The following FAM53B variants were observed in gnomAD, a reference collection of about 807,000 sequenced individuals.
FAM53B encodes the protein protein FAM53B.
In FAM53B, 12 loss-of-function variants were observed where a neutral mutation model predicts 32.7. That is an observed-to-expected ratio of 0.37 (90% CI 0.24 to 0.59). The LOEUF (loss-of-function observed/expected upper bound fraction) is 0.59, where lower values mean the gene tolerates loss of function less well. FAM53B is among the 20% of genes least tolerant of loss of function. The pLI is 0.72. For missense variants in FAM53B, 477 were observed against 577.7 expected, an observed-to-expected ratio of 0.83 and a Z score of 1.79; for synonymous variants, 234 against 228.7, an observed-to-expected ratio of 1.02 and a Z score of -0.21.
At position 124,619,298 on chromosome 10, in the gene FAM53B, A is replaced by G. The variant is rs1949287327; in HGVS notation, c.*3944T>C. 1 of 152,844 alleles carries G rather than the reference A, an allele frequency of 6.5e-6. No individual in the cohort carries two copies. The highest frequency in any genetic ancestry group is 1.5e-5 in the Non-Finnish European group (1 of 68,214). The allele number at this position is 152,844 out of a possible 1,614,324, so 9.5% of individuals were successfully genotyped here. A position where few individuals can be genotyped will look rare whatever the true frequency, so the allele number is the denominator to read the frequency against. The stretch of plus-strand genomic sequence containing the variant: ...CACAGCTGGCACCAGGCACTTGGGT[A>G]TTGAACCAGGAAGCTTTATTTACAC... On this transcript the variant is annotated 3_prime_UTR_variant, in exon 5 of 5. Transcript: ENST00000337318.
intron 4 of FAM53B, among the ~76,000 whole-genome samples, chr10:124,648,892 G>A (rs887075958): frequency 6.6e-6 from 1 of 152,276 alleles, no homozygotes; most frequent in Admixed American, 6.5e-5. Context: ...CGTCACTGGA[G>A]AGACTGGTGG....
chr10:124,655,747 C>A (rs1032087056), intron 4 of FAM53B, among the ~76,000 whole-genome samples: 2 of 152,220 alleles, frequency 1.3e-5, no homozygotes, highest in Non-Finnish European at 2.9e-5. Flanking sequence ...GTCTCTCATT[C>A]CACGCAGAAG....
rs77377316 is a variant in FAM53B at position 124,635,575 on chromosome 10, C to T, written c.907-11971G>A. On this transcript the variant is annotated intron_variant, in intron 4 of 4. Coordinates refer to ENST00000337318, the MANE Select transcript of FAM53B (RefSeq NM_014661.4). ...CTCTACTGAGAGGTGGGGTGGGAAA[C>T]AAACCACCCTGAACGTGGCCCTCTG... 7.7e-3 allele frequency among the ~76,000 whole-genome samples: 1,177 copies of T among 152,268 alleles called. 14 individuals carry two copies. Among genetic ancestry groups the T allele is most frequent in the African/African-American group, 0.027 (1,102 of 41,532 alleles).
At chr10:124,683,132 T>C (rs1033955293) in intron 3 of FAM53B, among the ~76,000 whole-genome samples, 2 of 152,228 alleles carry the variant, frequency 1.3e-5, no homozygotes, top group African/African-American at 2.4e-5. Context: ...AACTTATGTA[T>C]TCAGGTCTTT....
Position 124,706,677 on chromosome 10 carries a change from C to T in FAM53B, c.37G>A (p.Gly13Arg). The change falls in exon 2 of 5, where the codon GGA (glycine) becomes AGA (arginine). Residue 13 changes from glycine (G) to arginine (R), a missense_variant. Around this residue, in one of 2 missense-constraint regions of FAM53B, gnomAD observed 312 missense variants for 420.2 expected, o/e 0.74. Coordinates refer to ENST00000337318, the MANE Select transcript of FAM53B (RefSeq NM_014661.4). Reference sequence around the variant, plus strand: ...GTCCCACATGCAATGGAGTCAGCTCCCCGGGTGCTGAGGCTTTCACTTAGG... The same window carrying T: ...GTCCCACATGCAATGGAGTCAGCTCTCCGGGTGCTGAGGCTTTCACTTAGG... ...MVLSESLSTR[G>R]ADSIACGTFS... is the part of the protein sequence containing the mutation. 6.2e-7 allele frequency: 1 copy of T among 1,614,206 alleles called. No homozygotes were observed. The highest frequency in any genetic ancestry group is 1.1e-5 in the South Asian group (1 of 91,088).
intron 4 of FAM53B, among the ~76,000 whole-genome samples, chr10:124,657,080 A>G (rs201038050): frequency 1.2e-4 from 16 of 128,492 alleles, no homozygotes; most frequent in African/African-American, 4.4e-4. Context: ...ATGTATATAT[A>G]TGTGTGTGTA....
At chr10:124,653,030 C>T (rs1008222156) in intron 4 of FAM53B, among the ~76,000 whole-genome samples, 1 of 152,256 alleles carries the variant, frequency 6.6e-6, no homozygotes, top group East Asian at 1.9e-4. Flanking sequence ...GAGGTAGGAC[C>T]CACGTGCCCT....
intron 3 of FAM53B, among the ~76,000 whole-genome samples, chr10:124,686,938 G>A (rs962628838): frequency 6.6e-6 from 1 of 152,234 alleles, no homozygotes; most frequent in Admixed American, 6.5e-5. Context: ...GGTTGACAGA[G>A]TCACGTCTAA....
intron 3 of FAM53B, among the ~76,000 whole-genome samples, chr10:124,695,586 C>G (rs893858886): frequency 3.3e-5 from 5 of 152,134 alleles, no homozygotes; most frequent in African/African-American, 1.2e-4. Flanking sequence ...AATAAAACAG[C>G]CTCTTGACCC....
intron 4 of FAM53B, among the ~76,000 whole-genome samples, chr10:124,673,317 TTCCTG>T (rs1366496626): frequency 6.6e-6 from 1 of 152,186 alleles, no homozygotes; most frequent in Non-Finnish European, 1.5e-5. Context: ...GCACTCAGGG[TTCCTG>T]TCATTCATTC....
rs543979726 is a variant in FAM53B at position 124,664,397 on chromosome 10, G to T, written c.906+17210C>A. Among the ~76,000 whole-genome samples the T allele has an allele frequency of 2.3e-3, 349 of 152,338 alleles. 3 individuals carry two copies. The highest frequency in any genetic ancestry group is 8.1e-3 in the African/African-American group (338 of 41,578). On this transcript the variant is annotated intron_variant, in intron 4 of 4. Coordinates refer to ENST00000337318, the MANE Select transcript of FAM53B (RefSeq NM_014661.4). ...GGTGGCTGGTGCACCCTGGCATGCT[G>T]CTCGCCTTTAGGAAACAGGTCAGCT...
chr10:124,694,409 T>A (rs1036485626), intron 3 of FAM53B, among the ~76,000 whole-genome samples: 1 of 152,258 alleles, frequency 6.6e-6, no homozygotes, highest in Non-Finnish European at 1.5e-5. Flanking sequence ...GGCCTCTGCC[T>A]TGGTCTCTGG....
chr10:124,730,753 T>C (rs1950137390), intron 1 of FAM53B, among the ~76,000 whole-genome samples: 1 of 152,200 alleles, frequency 6.6e-6, no homozygotes, highest in African/African-American at 2.4e-5. Flanking sequence ...CTTCGTTTCA[T>C]TTAGATTTAA....
chr10:124,704,701 G>C (rs745309921), intron 2 of FAM53B, among the ~76,000 whole-genome samples: 8 of 152,322 alleles, frequency 5.3e-5, no homozygotes, highest in Non-Finnish European at 7.3e-5. Context: ...GAATATATGG[G>C]GCCATGTACA....
rs1949409065 is a variant in FAM53B at position 124,633,909 on chromosome 10, ATAAG to A, written c.907-10309_907-10306del. On this transcript the variant is annotated intron_variant, in intron 4 of 4. Coordinates refer to ENST00000337318, the MANE Select transcript of FAM53B (RefSeq NM_014661.4). ...CTCAAAATCCAGAGCCATAAAAGAA[ATAAG>A]TAATAAATTTGATAAAAACATTTAC... Among the ~76,000 whole-genome samples, 15 of 152,384 alleles carry A rather than the reference ATAAG, an allele frequency of 9.8e-5. No homozygotes were observed. The South Asian group carries it at 3.1e-3, about 32-fold the overall frequency.
chr10:124,621,774 T>C lies in FAM53B; in HGVS notation c.*1468A>G, dbSNP rs1949312171. On this transcript the variant is annotated 3_prime_UTR_variant, in exon 5 of 5. Transcript: ENST00000337318. ...TCCATGAAGACGAGCAAAAGCAAAG[T>C]GACTACAAAAGTGCTTTGAACGCGC... The C allele has an allele frequency of 6.6e-6, 1 of 152,228 alleles. No individual in the cohort carries two copies. Among genetic ancestry groups the C allele is most frequent in the Non-Finnish European group, 1.5e-5 (1 of 68,034 alleles). The allele number at this position is 152,228 out of a possible 1,614,324, so 9.4% of individuals were successfully genotyped here.
intron 1 of FAM53B, among the ~76,000 whole-genome samples, chr10:124,715,644 C>T (rs1950034709): frequency 6.6e-6 from 1 of 152,226 alleles, no homozygotes; most frequent in African/African-American, 2.4e-5. Flanking sequence ...CGGCAGCAAC[C>T]TGACTGATGT....
In FAM53B at chr10:124,619,765, A is replaced by G. The variant is rs546650342; in HGVS notation, c.*3477T>C. ...GTGGCATCATTGCCAGTGTGGGGCC[A>G]GAGGGTGCCCGAGCCCCGGTGCGCG... is the stretch of plus-strand genomic sequence containing the variant. On this transcript the variant is annotated 3_prime_UTR_variant, in exon 5 of 5. Transcript: ENST00000337318. 24 of 152,812 alleles carry G rather than the reference A, an allele frequency of 1.6e-4. No homozygotes were observed. Among genetic ancestry groups the G allele is most frequent in the African/African-American group, 5.3e-4 (22 of 41,594 alleles). 9.5% of individuals were successfully genotyped at this position (152,812 alleles called of 1,614,324 possible).
intron 4 of FAM53B, among the ~76,000 whole-genome samples, chr10:124,660,053 C>T (rs193062952): frequency 4.6e-5 from 7 of 152,360 alleles, no homozygotes; most frequent in South Asian, 4.1e-4. Flanking sequence ...GTGACCCACC[C>T]GCCTTGGCCT....
Sources: allele counts gnomAD v4.1 joint callset (sites outside exome capture counted in the v4.1 genomes callset), GRCh38; gene constraint gnomAD v4.1.1; regional missense constraint gnomAD v4.1.1; transcripts MANE v1.5; gene names NCBI Gene and HGNC (gene_info 2026-07-23, HGNC 2026-07-21).